The following DMGDH variants were observed in gnomAD, a reference collection of about 807,000 sequenced individuals.
The protein encoded by DMGDH is dimethylglycine dehydrogenase.
Under a neutral mutation model 95.2 loss-of-function variants are expected in DMGDH, and 76 were observed. That is an observed-to-expected ratio of 0.80 (90% CI 0.66 to 0.97). The LOEUF (loss-of-function observed/expected upper bound fraction) is 0.97. Ranked by LOEUF, DMGDH falls within the 50% of genes least tolerant of loss-of-function variation. DMGDH has a pLI of 0.00. For missense variants in DMGDH, 987 were observed against 1,055.0 expected, an observed-to-expected ratio of 0.94 and a Z score of 0.89; for synonymous variants, 345 against 377.6, an observed-to-expected ratio of 0.91 and a Z score of 1.00.
chr5:79,024,797 G>A (rs1753954060), intron 13 of DMGDH, among the ~76,000 whole-genome samples: 2 of 152,238 alleles, frequency 1.3e-5, no homozygotes, highest in African/African-American at 4.8e-5. Context: ...AATAAGCGGA[G>A]TTTGAATCTG....
intron 14 of DMGDH, among the ~76,000 whole-genome samples, chr5:79,009,032 A>G (rs1466812607): frequency 6.6e-6 from 1 of 152,198 alleles, no homozygotes; most frequent in Non-Finnish European, 1.5e-5. Context: ...CCTGGAGTCT[A>G]TCATTAGAAA....
At chr5:79,041,963 G>A (rs1357571344) in intron 7 of DMGDH, among the ~76,000 whole-genome samples, 2 of 152,070 alleles carry the variant, frequency 1.3e-5, no homozygotes, top group African/African-American at 4.8e-5. Context: ...TCACGCCACT[G>A]TACTCTAGCC....
rs1454914572 is a variant in DMGDH, at chr5:79,029,991, C to T, written c.1727G>A (p.Arg576Gln). The change falls in exon 11 of 16, where the codon CGA becomes CAA. Residue 576 changes from arginine (R) to glutamine (Q), a missense_variant. By Grantham distance (43) the Arg-to-Gln change is conservative (BLOSUM62 1). Coordinates refer to ENST00000255189, the MANE Select transcript of DMGDH (RefSeq NM_013391.3). ...AGAAACAGTCAGCTCAGCATACACT[C>T]GACCCTTGGGTGTTAACATGTGACT... is the stretch of plus-strand genomic sequence containing the variant. ...NISHMLTPKG[R>Q]VYAELTVSHQ... The T allele has an allele frequency of 5.6e-6, 9 of 1,614,016 alleles. No homozygotes were observed. The highest frequency in any genetic ancestry group is 1.3e-5 in the African/African-American group (1 of 75,050).
intron 13 of DMGDH, among the ~76,000 whole-genome samples, chr5:79,025,771 C>G (rs1008998451): frequency 6.6e-6 from 1 of 152,098 alleles, no homozygotes; most frequent in Non-Finnish European, 1.5e-5. Flanking sequence ...TGACTGGGTC[C>G]AGGGATAGCC....
At chr5:79,036,346 C>T (rs1171633710) in intron 7 of DMGDH, among the ~76,000 whole-genome samples, 2 of 152,208 alleles carry the variant, frequency 1.3e-5, no homozygotes, top group African/African-American at 4.8e-5. Context: ...AGATTCTTCT[C>T]AATGACCCTA....
intron 2 of DMGDH, among the ~76,000 whole-genome samples, chr5:79,060,434 T>G (rs935456791): frequency 5.9e-5 from 9 of 152,354 alleles, no homozygotes; most frequent in African/African-American, 2.2e-4. Context: ...GTGATTCCAT[T>G]TAGAAGATTC....
chr5:79,014,374 T>A (rs1050739693), intron 14 of DMGDH, among the ~76,000 whole-genome samples: 2 of 152,240 alleles, frequency 1.3e-5, no homozygotes, highest in Non-Finnish European at 1.5e-5. Flanking sequence ...TGTGGCTTTA[T>A]CAGATTTATG....
At chr5:79,039,788 T>C (rs1754455006) in intron 7 of DMGDH, among the ~76,000 whole-genome samples, 1 of 152,126 alleles carries the variant, frequency 6.6e-6, no homozygotes, top group Non-Finnish European at 1.5e-5. Context: ...AGAAGAGATA[T>C]TGAGTGCAGT....
chr5:79,041,114 T>G (rs1754496576), intron 7 of DMGDH, among the ~76,000 whole-genome samples: 1 of 152,222 alleles, frequency 6.6e-6, no homozygotes, highest in Non-Finnish European at 1.5e-5. Flanking sequence ...CCCTTCAATA[T>G]CTTATGAAAT....
chr5:79,069,452 G>C, intron 1 of DMGDH, 68 bp downstream of exon 1: 2 of 979,940 alleles, frequency 2.0e-6, no homozygotes, highest in South Asian at 9.9e-5. Flanking sequence ...CCCTGAGCCT[G>C]CCTCAGCCTC....
In DMGDH at chr5:79,034,949, T is replaced by C. The variant is rs976784058; in HGVS notation, c.1194-1541A>G. Among the ~76,000 whole-genome samples, 11 of 147,906 alleles carry C rather than the reference T, an allele frequency of 7.4e-5. No homozygotes were observed. In the South Asian group the frequency reaches 1.7e-3, roughly 23 times the overall value. ...GCGGGCGCCTGTAGTCCCAGCTACT[T>C]GGGAGGCTGAGGCAGGAGAATGGCA... On this transcript the variant is annotated intron_variant, in intron 7 of 15. Transcript: ENST00000255189.
intron 14 of DMGDH, among the ~76,000 whole-genome samples, chr5:79,006,459 C>G (rs75446484): frequency 0.022 from 3,302 of 152,222 alleles, 125 homozygotes; most frequent in African/African-American, 0.076. Flanking sequence ...GGAGGGAGGG[C>G]TGACATCCGT....
intron 8 of DMGDH, 112 bp from the exon 9 acceptor site, chr5:79,032,952 C>T: frequency 8.1e-7 from 1 of 1,230,684 alleles, no homozygotes; most frequent in Non-Finnish European, 1.2e-6. Context: ...CATAAACATA[C>T]ATACATACAT....
intron 14 of DMGDH, among the ~76,000 whole-genome samples, chr5:79,016,926 G>C (rs1416713880): frequency 1.3e-5 from 2 of 151,986 alleles, no homozygotes; most frequent in Admixed American, 1.3e-4. Context: ...AAGATATAAA[G>C]GCAATGAAAT....
intron 2 of DMGDH, among the ~76,000 whole-genome samples, chr5:79,056,781 GGAGGCATAGGTTGCAGT>G (rs968214672): frequency 5.4e-5 from 8 of 148,402 alleles, no homozygotes; most frequent in African/African-American, 2.0e-4. Context: ...CTTGAACCCG[GGAGGCATAGGTTGCAGT>G]GAGCCAAGAT....
chr5:79,024,155 T>G, intron 14 of DMGDH, 116 bp downstream of exon 14: 1 of 904,422 alleles, frequency 1.1e-6, no homozygotes, highest in Non-Finnish European at 1.8e-6. Flanking sequence ...AGTATTTATG[T>G]TCACCTTGTT....
rs375970693 is a variant in DMGDH, at chr5:79,036,109, A to G, written c.1194-2701T>C. ...TGCGCTTCATTCTTCTCCTGTGCAC[A>G]CTTTATGGTGCTGGTGGAGAATTAA... On this transcript the variant is annotated intron_variant, in intron 7 of 15. Coordinates refer to ENST00000255189, the MANE Select transcript of DMGDH (RefSeq NM_013391.3). 1.2e-4 allele frequency among the ~76,000 whole-genome samples: 19 copies of G among 152,326 alleles called. 1 individual carries two copies. The highest frequency in any genetic ancestry group is 6.5e-4 in the Admixed American group (10 of 15,304).
chr5:79,042,159 T>A, intron 7 of DMGDH, 124 bp downstream of exon 7: 1 of 929,056 alleles, frequency 1.1e-6, no homozygotes, highest in Non-Finnish European at 1.7e-6. Flanking sequence ...TGGGTCTCTC[T>A]CTGTTTCTCT....
chr5:79,024,414 A>G, intron 13 of DMGDH, 84 bp from the exon 14 acceptor site: 6 of 1,309,094 alleles, frequency 4.6e-6, no homozygotes, highest in South Asian at 2.4e-5. Flanking sequence ...TTTAGGAGAA[A>G]GAACCCTTTT....
Sources: gnomAD v4.1 joint callset for allele counts (sites outside exome capture counted in the v4.1 genomes callset) on GRCh38, gnomAD v4.1.1 for gene constraint, MANE v1.5 for transcripts, NCBI Gene and HGNC (gene_info 2026-07-23, HGNC 2026-07-21) for gene names.